The following RNF121 variants were observed in gnomAD, a reference collection of about 807,000 sequenced individuals.
RNF121 encodes E3 ubiquitin ligase RNF121.
RNF121 carries 21 observed loss-of-function variants against 46.5 expected under a neutral mutation model. That is an observed-to-expected ratio of 0.45 (90% CI 0.32 to 0.65). The LOEUF is 0.65. RNF121 is among the 30% of genes least tolerant of loss of function. RNF121 has a pLI of 0.04. For missense variants in RNF121, 346 were observed against 416.0 expected (o/e 0.83, Z 1.46); for synonymous variants, 139 against 144.7 (o/e 0.96, Z 0.28).
At position 71,993,775 on chromosome 11, in the gene RNF121, T is replaced by C. The variant is rs541200674; in HGVS notation, c.628-944T>C. ...CTTTTTGAGGACATGCCAAACTCTT[T>C]GCTTTCTTAATTATGATAATGCTTA... On this transcript the variant is annotated intron_variant, in intron 6 of 8. Coordinates refer to ENST00000361756, the MANE Select transcript of RNF121 (RefSeq NM_018320.5). Among the ~76,000 whole-genome samples the C allele has an allele frequency of 1.6e-4, 25 of 152,314 alleles. No homozygotes were observed. The South Asian group carries it at 4.8e-3, about 29-fold the overall frequency.
chr11:71,947,052 G>A (rs934406801), intron 1 of RNF121, among the ~76,000 whole-genome samples: 1 of 152,038 alleles, frequency 6.6e-6, no homozygotes, highest in Middle Eastern at 3.4e-3. Flanking sequence ...TTTAAGTAGA[G>A]ACGGGGTTTC....
chr11:71,993,183 A>C (rs1435329964), intron 6 of RNF121, among the ~76,000 whole-genome samples: 1 of 152,206 alleles, frequency 6.6e-6, no homozygotes, highest in Non-Finnish European at 1.5e-5. Flanking sequence ...TTGTGTAGAC[A>C]TTGGATCTTC....
At chr11:71,954,501 G>A (rs910334462) in intron 1 of RNF121, among the ~76,000 whole-genome samples, 3 of 152,186 alleles carry the variant, frequency 2.0e-5, no homozygotes, top group African/African-American at 7.2e-5. Context: ...GCCTCTTCTA[G>A]TAGTTTTAAA....
intron 4 of RNF121, chr11:71,983,882 A>G (rs1954712339): frequency 6.6e-6 from 1 of 152,256 alleles, no homozygotes; most frequent in Non-Finnish European, 1.5e-5. Flanking sequence ...TCTTCTTCCT[A>G]TTCTTCTTAT....
intron 3 of RNF121, 72 bp from the exon 4 acceptor site, chr11:71,982,689 C>T: frequency 6.9e-7 from 1 of 1,456,696 alleles, no homozygotes; most frequent in Non-Finnish European, 9.2e-7. Context: ...AGAAAACAAG[C>T]TGCATTTGGG....
At chr11:71,985,371 CAA>C (rs770251979) in intron 4 of RNF121, among the ~76,000 whole-genome samples, 6 of 152,190 alleles carry the variant, frequency 3.9e-5, no homozygotes, top group Non-Finnish European at 5.9e-5. Flanking sequence ...TCTCTTGTCT[CAA>C]AGAGGTGATT....
At chr11:71,987,287 A>G (rs142528431) in intron 5 of RNF121, among the ~76,000 whole-genome samples, 176 bp downstream of exon 5, 12 of 152,344 alleles carry the variant, frequency 7.9e-5, no homozygotes, top group African/African-American at 9.6e-5. Context: ...TCTGGCAGAA[A>G]GCAAGGAATG....
intron 3 of RNF121, among the ~76,000 whole-genome samples, chr11:71,981,656 C>G (rs1393508737): frequency 2.6e-5 from 4 of 152,126 alleles, no homozygotes; most frequent in African/African-American, 9.7e-5. Context: ...TAAAAAACTT[C>G]AGCTAACAAG....
intron 4 of RNF121, among the ~76,000 whole-genome samples, chr11:71,984,745 A>ATTTTTTTTTTTTTTTTTTT (rs56134788): frequency 7.4e-5 from 7 of 94,864 alleles, no homozygotes; most frequent in African/African-American, 2.2e-4. Flanking sequence ...CACCCGGCTA[A>ATTTTTTTTTTTTTTTTTTT]TTTTTTTTTT....
intron 1 of RNF121, among the ~76,000 whole-genome samples, chr11:71,936,452 C>T (rs185468267): frequency 2.5e-3 from 375 of 151,662 alleles, no homozygotes; most frequent in Middle Eastern, 0.01. Flanking sequence ...CGCAGTGGCA[C>T]GATCTCGGCT....
intron 2 of RNF121, among the ~76,000 whole-genome samples, chr11:71,958,704 C>CA (rs1484290015): frequency 5.3e-5 from 8 of 151,822 alleles, no homozygotes; most frequent in Non-Finnish European, 7.4e-5. Context: ...AGACTCTCTC[C>CA]AAAAAAATAA....
rs542521012 is a variant in RNF121 at position 71,984,123 on chromosome 11, C to G, written c.398+1208C>G. ...GAAGTCTTCATCCCTAAAAATGGGACAATAATTGCTACCTCACATAGGGTG... is the reference window on the plus strand; with the variant it reads ...GAAGTCTTCATCCCTAAAAATGGGAGAATAATTGCTACCTCACATAGGGTG... On this transcript the variant is annotated intron_variant, in intron 4 of 8. Transcript: ENST00000361756. 4.6e-5 allele frequency among the ~76,000 whole-genome samples: 7 copies of G among 152,272 alleles called. No individual in the cohort carries two copies. In the South Asian group the frequency reaches 1.5e-3, roughly 32 times the overall value.
At chr11:71,991,744 T>C (rs1954866157) in intron 6 of RNF121, among the ~76,000 whole-genome samples, 1 of 152,094 alleles carries the variant, frequency 6.6e-6, no homozygotes, top group Non-Finnish European at 1.5e-5. Flanking sequence ...TGCGGTTGTA[T>C]GGCCAAGAAG....
At chr11:71,966,647 A>AAC (rs1554988728) in intron 3 of RNF121, among the ~76,000 whole-genome samples, 1 of 151,202 alleles carries the variant, frequency 6.6e-6, no homozygotes, top group Non-Finnish European at 1.5e-5. Context: ...ACGCTTGGCT[A>AAC]ATATATATAT....
intron 1 of RNF121, among the ~76,000 whole-genome samples, chr11:71,936,528 T>C (rs1297581291): frequency 6.6e-6 from 1 of 152,090 alleles, no homozygotes; most frequent in East Asian, 1.9e-4. Flanking sequence ...TAGCTGGGAC[T>C]ACAGGTGCCT....
intron 5 of RNF121, among the ~76,000 whole-genome samples, chr11:71,989,895 G>C (rs1050015728): frequency 2.0e-5 from 3 of 152,100 alleles, no homozygotes; most frequent in Non-Finnish European, 4.4e-5. Flanking sequence ...TTTCTGTAAA[G>C]GTCCAAATAG....
intron 1 of RNF121, among the ~76,000 whole-genome samples, chr11:71,948,422 T>C (rs574200801): frequency 3.6e-5 from 5 of 139,380 alleles, no homozygotes; most frequent in African/African-American, 1.4e-4. Flanking sequence ...GGCTGAGGCA[T>C]GAGAATCGCT....
At chr11:71,986,489 T>C (rs956455943) in intron 4 of RNF121, among the ~76,000 whole-genome samples, 1 of 152,116 alleles carries the variant, frequency 6.6e-6, no homozygotes, top group Non-Finnish European at 1.5e-5. Flanking sequence ...AAAGCATAGC[T>C]GGGTGTGGTG....
At chr11:71,964,499 A>C (rs566469418) in intron 3 of RNF121, among the ~76,000 whole-genome samples, 1 of 151,282 alleles carries the variant, frequency 6.6e-6, no homozygotes, top group Non-Finnish European at 1.5e-5. Context: ...ACAAGGTCTT[A>C]TTCTGATTGC....
Sources: gnomAD v4.1 joint callset for allele counts (sites outside exome capture counted in the v4.1 genomes callset) on GRCh38, gnomAD v4.1.1 for gene constraint, MANE v1.5 for transcripts, NCBI Gene and HGNC (gene_info 2026-07-23, HGNC 2026-07-21) for gene names.